MYO18B: variants seen among roughly 807,000 people sequenced by gnomAD.
The protein encoded by MYO18B is unconventional myosin-XVIIIb.
MYO18B carries 204 observed loss-of-function variants against 273.0 expected under a neutral mutation model. The ratio of observed to expected loss-of-function variants is 0.75; its 90% CI spans 0.67 to 0.84. MYO18B has a LOEUF of 0.84. MYO18B is among the 40% of genes least tolerant of loss of function. The pLI, the probability that MYO18B is intolerant of heterozygous loss-of-function variation, is 0.00. For synonymous variants in MYO18B, 1,330 were observed against 1,305.7 expected (o/e 1.02, Z -0.40); for missense variants, 3,212 against 3,287.6 (o/e 0.98, Z 0.56).
chr22:25,913,901 A>G (rs1428439480), intron 33 of MYO18B, among the ~76,000 whole-genome samples: 3 of 152,176 alleles, frequency 2.0e-5, no homozygotes, highest in Non-Finnish European at 4.4e-5. Flanking sequence ...TTGCGCTTTT[A>G]TATCTTAAGA....
intron 1 of MYO18B, among the ~76,000 whole-genome samples, chr22:25,754,032 G>C (rs180906551): frequency 1.3e-5 from 2 of 152,326 alleles, no homozygotes; most frequent in African/African-American, 4.8e-5. Flanking sequence ...GATCTGCTGT[G>C]CCTGAACTAA....
intron 39 of MYO18B, among the ~76,000 whole-genome samples, chr22:25,959,932 T>TA (rs1334114911): frequency 6.6e-6 from 1 of 152,230 alleles, no homozygotes; most frequent in Non-Finnish European, 1.5e-5. Flanking sequence ...TCCGGTGCTC[T>TA]GGGCCCTGGA....
intron 13 of MYO18B, among the ~76,000 whole-genome samples, chr22:25,824,827 GGTGTGCACACCAT>G (rs2089427818): frequency 7.0e-6 from 1 of 142,200 alleles, no homozygotes; most frequent in Non-Finnish European, 1.6e-5. Context: ...ATGCACACAT[GGTGTGCACACCAT>G]GTGTGCATCA....
At chr22:26,023,208 A>G (rs1935956238) in intron 42 of MYO18B, among the ~76,000 whole-genome samples, 1 of 151,460 alleles carries the variant, frequency 6.6e-6, no homozygotes, top group Admixed American at 6.6e-5. Context: ...CTCTTCTTTC[A>G]TGCTCTAGCC....
At chr22:25,999,612 CTTCTCT>C (rs1472013600) in intron 40 of MYO18B, among the ~76,000 whole-genome samples, 1 of 131,284 alleles carries the variant, frequency 7.6e-6, no homozygotes, top group African/African-American at 2.8e-5. Flanking sequence ...CCTCCTTCTC[CTTCTCT>C]TCCTCCTCCT....
the MYO18B span, among the ~76,000 whole-genome samples, chr22:26,056,092 A>G: frequency 6.6e-6 from 1 of 152,330 alleles, no homozygotes; most frequent in Non-Finnish European, 1.5e-5. Flanking sequence ...TGACCAGATG[A>G]ATAAATAGTA....
intron 22 of MYO18B, among the ~76,000 whole-genome samples, chr22:25,873,383 A>G (rs2091101916): frequency 1.3e-5 from 2 of 152,112 alleles, no homozygotes; most frequent in South Asian, 4.1e-4. Context: ...GACCAAGAGG[A>G]CTGCCATCCC....
intron 34 of MYO18B, among the ~76,000 whole-genome samples, chr22:25,929,747 A>G (rs369196659): frequency 1.3e-5 from 2 of 152,112 alleles, no homozygotes; most frequent in South Asian, 2.1e-4. Context: ...TAGCTCTGAA[A>G]TGCATCCCCC....
intron 11 of MYO18B, among the ~76,000 whole-genome samples, chr22:25,793,897 C>T (rs1004675058): frequency 1.3e-5 from 2 of 152,036 alleles, no homozygotes; most frequent in African/African-American, 4.8e-5. Context: ...TTTAAGTGTA[C>T]AACTCGATGT....
intron 27 of MYO18B, among the ~76,000 whole-genome samples, chr22:25,894,060 G>A (rs1265462951): frequency 6.6e-6 from 1 of 152,182 alleles, no homozygotes; most frequent in African/African-American, 2.4e-5. Context: ...AAGTTATTGA[G>A]CATTTACTAT....
the MYO18B span, among the ~76,000 whole-genome samples, chr22:26,044,929 CA>C: frequency 1.3e-5 from 2 of 152,196 alleles, no homozygotes; most frequent in African/African-American, 4.8e-5. Context: ...TGTCCAATGG[CA>C]ATGAGTGTGG....
At chr22:25,836,950 G>A (rs1056285817) in intron 17 of MYO18B, among the ~76,000 whole-genome samples, 10 of 148,238 alleles carry the variant, frequency 6.7e-5, no homozygotes, top group Non-Finnish European at 1.0e-4. Flanking sequence ...CAACAAGAGT[G>A]AAATTCCATC....
intron 42 of MYO18B, among the ~76,000 whole-genome samples, 162 bp from the exon 43 acceptor site, chr22:26,026,283 G>A (rs1401196372): frequency 6.6e-6 from 1 of 152,188 alleles, no homozygotes; most frequent in African/African-American, 2.4e-5. Context: ...TACATGGCTT[G>A]AATTTGCACA....
rs2146344502 is a variant in MYO18B at position 25,902,743 on chromosome 22, G to A, written c.4947+7G>A. 1.9e-6 allele frequency: 3 copies of A among 1,575,040 alleles called. No homozygotes were observed. The highest frequency in any genetic ancestry group is 3.3e-4 in the Middle Eastern group (2 of 6,012). On this transcript the variant is annotated splice_region_variant and intron_variant, in intron 30 of 43. Coordinates refer to ENST00000335473, the MANE Select transcript of MYO18B (RefSeq NM_032608.7). Reference sequence around the variant, plus strand: ...GCTTCAGCAGCAGCTGAAGGTAAGGGATGGGGGACACAGAGCTATCTTGGC... The same window carrying A: ...GCTTCAGCAGCAGCTGAAGGTAAGGAATGGGGGACACAGAGCTATCTTGGC...
chr22:25,780,113 C>T lies in MYO18B; in HGVS notation c.2126C>T (p.Ala709Val). The T allele has an allele frequency of 6.2e-7, 1 of 1,602,432 alleles. No individual in the cohort carries two copies. Among genetic ancestry groups the T allele is most frequent in the Non-Finnish European group, 8.5e-7 (1 of 1,175,470 alleles). The change falls in exon 9 of 44, where the codon GCC becomes GTC. Residue 709 changes from alanine (A) to valine (V), a missense_variant. Ala to Val is a moderately conservative substitution (Grantham distance 64). Transcript: ENST00000335473. ...CGGGCCTTCGGCTCTGTGTCCATGGCCCACAGCCGCAGTGCCACCCGGTTC... is the reference window on the plus strand; with the variant it reads ...CGGGCCTTCGGCTCTGTGTCCATGGTCCACAGCCGCAGTGCCACCCGGTTC... ...VLRAFGSVSM[A>V]HSRSATRFSM...
intron 42 of MYO18B, among the ~76,000 whole-genome samples, chr22:26,017,063 TC>T (rs1935400227): frequency 2.4e-5 from 2 of 84,258 alleles, no homozygotes; most frequent in Admixed American, 2.5e-4. Context: ...CTTCCTTCCT[TC>T]CTTCCTTCCT....
At chr22:25,798,207 T>A (rs1362709376) in intron 12 of MYO18B, 110 bp downstream of exon 12, 22 of 1,347,646 alleles carry the variant, frequency 1.6e-5, no homozygotes, top group Non-Finnish European at 2.1e-5. Flanking sequence ...TGTCACCTTC[T>A]ATGTCTCTGG....
intron 42 of MYO18B, among the ~76,000 whole-genome samples, chr22:26,017,812 A>G (rs1935481350): frequency 6.6e-6 from 1 of 152,158 alleles, no homozygotes; most frequent in Non-Finnish European, 1.5e-5. Context: ...AAGCTGTTTT[A>G]GGTTTTCACA....
chr22:25,906,452 C>T (rs1172040188), intron 31 of MYO18B, among the ~76,000 whole-genome samples: 2 of 152,128 alleles, frequency 1.3e-5, no homozygotes, highest in Non-Finnish European at 2.9e-5. Flanking sequence ...TCCTTTTGCT[C>T]CTCACCACGG....
Sources: gnomAD v4.1 joint callset for allele counts (sites outside exome capture counted in the v4.1 genomes callset) on GRCh38, gnomAD v4.1.1 for gene constraint, MANE v1.5 for transcripts, NCBI Gene and HGNC (gene_info 2026-07-23, HGNC 2026-07-21) for gene names.